The following PXK variants were observed in gnomAD, a reference collection of about 807,000 sequenced individuals.
PXK encodes PX domain containing serine/threonine kinase like.
A neutral mutation model predicts 84.7 loss-of-function variants in PXK; 35 were observed. The ratio of observed to expected loss-of-function variants is 0.41; its 90% confidence interval spans 0.32 to 0.55. The LOEUF (loss-of-function observed/expected upper bound fraction) is 0.55, where lower values mean the gene tolerates loss of function less well. Among genes scored for constraint, PXK ranks in the 20% least tolerant of loss-of-function variants. PXK has a pLI of 0.21. For synonymous variants in PXK, 253 were observed against 260.8 expected (o/e 0.97, Z 0.29); for missense variants, 634 against 699.7 (o/e 0.91, Z 1.06).
intron 1 of PXK, among the ~76,000 whole-genome samples, chr3:58,340,500 A>T (rs2097711016): frequency 6.6e-6 from 1 of 151,200 alleles, no homozygotes; most frequent in African/African-American, 2.4e-5. Flanking sequence ...GCTGAGGTGG[A>T]TGGATCACCT....
In PXK at chr3:58,398,275, C is replaced by T. The variant is rs2058025734; in HGVS notation, c.1102+553C>T. On this transcript the variant is annotated intron_variant, in intron 11 of 17. Transcript: ENST00000356151. The surrounding 1 kb of genome is among the most constrained non-coding windows in gnomAD (Gnocchi z 4.5). Reference sequence around the variant, plus strand: ...AATTAGCTGGGCGTGGAGGTGCATGCCTGTAATCCCAGCTTTTTGGGAGGC... The same window carrying T: ...AATTAGCTGGGCGTGGAGGTGCATGTCTGTAATCCCAGCTTTTTGGGAGGC... 6.6e-6 allele frequency among the ~76,000 whole-genome samples: 1 copy of T among 152,166 alleles called. No homozygotes were observed. Among genetic ancestry groups the T allele is most frequent in the African/African-American group, 2.4e-5 (1 of 41,448 alleles).
At chr3:58,404,031 A>T in intron 13 of PXK, 121 bp downstream of exon 13, 2 of 516,982 alleles carry the variant, frequency 3.9e-6, no homozygotes, top group Non-Finnish European at 6.4e-6. Context: ...AATAACCTAA[A>T]TGTCCTACAA....
At chr3:58,341,798 G>A (rs1351199513) in intron 1 of PXK, among the ~76,000 whole-genome samples, 5 of 151,760 alleles carry the variant, frequency 3.3e-5, no homozygotes, top group Non-Finnish European at 7.4e-5. Context: ...CCGCCTCCTG[G>A]GTTCCAGTGA....
intron 4 of PXK, among the ~76,000 whole-genome samples, chr3:58,384,712 G>C (rs1216062766): frequency 1.3e-5 from 2 of 152,162 alleles, no homozygotes; most frequent in East Asian, 3.8e-4. Flanking sequence ...GCGAGTGCTT[G>C]CTAATGTTCT....
At chr3:58,351,395 TTGTGTGTGTGTGTGTGTGTGTGTGTG>T (rs57349140) in intron 1 of PXK, among the ~76,000 whole-genome samples, 7 of 140,688 alleles carry the variant, frequency 5.0e-5, no homozygotes, top group African/African-American at 1.6e-4. Flanking sequence ...AGCTAGCTAT[TTGTGTGTGTGTGTGTGTGTGTGTGTG>T]TGTGTGTGTG....
chr3:58,369,499 A>T (rs1250127729), intron 3 of PXK, 21 bp downstream of exon 3: 3 of 1,589,002 alleles, frequency 1.9e-6, no homozygotes, highest in Non-Finnish European at 1.7e-6. Context: ...TGAAATTCTA[A>T]TTACACACAT....
chr3:58,338,304 C>T (rs2097660467), intron 1 of PXK, among the ~76,000 whole-genome samples: 1 of 141,774 alleles, frequency 7.1e-6, no homozygotes, highest in African/African-American at 2.7e-5. Flanking sequence ...CACGCCATTG[C>T]ACTCTCCGTC....
intron 1 of PXK, among the ~76,000 whole-genome samples, chr3:58,339,279 G>A (rs896149087): frequency 3.3e-5 from 5 of 149,810 alleles, no homozygotes; most frequent in African/African-American, 1.2e-4. Context: ...TGCCCAGGCT[G>A]GAGTATAGTA....
In PXK at chr3:58,362,332, C is replaced by T. The variant is rs142438293; in HGVS notation, c.103-3542C>T. Among the ~76,000 whole-genome samples, 105 of 152,274 alleles carry T rather than the reference C, an allele frequency of 6.9e-4. 1 individual carries two copies. The highest frequency in any genetic ancestry group is 1.3e-3 in the Non-Finnish European group (90 of 68,014). On this transcript the variant is annotated intron_variant, in intron 1 of 17. Transcript: ENST00000356151. ...TTTTCCTAAAAGTCTTACAGTTTTACATTTTACATTTAAGTACATAATTCA... is the reference window on the plus strand; with the variant it reads ...TTTTCCTAAAAGTCTTACAGTTTTATATTTTACATTTAAGTACATAATTCA...
At chr3:58,338,601 C>T (rs2097667393) in intron 1 of PXK, among the ~76,000 whole-genome samples, 1 of 150,572 alleles carries the variant, frequency 6.6e-6, no homozygotes, top group Admixed American at 6.6e-5. Flanking sequence ...CCAGCCTGGG[C>T]GACAGAGCAA....
In PXK at chr3:58,391,056, A is replaced by G. The variant is rs144013535; in HGVS notation, c.467-91A>G. ...TATGTAGCTGCGAATAATATTGCCA[A>G]ACTTAATTTTTCTTGATTACCTAGT... is the stretch of plus-strand genomic sequence containing the variant. On this transcript the variant is annotated intron_variant, in intron 5 of 17. Transcript: ENST00000356151. The G allele has an allele frequency of 2.2e-4, 212 of 943,534 alleles. No homozygotes were observed. The African/African-American group carries it at 3.2e-3, about 14-fold the overall frequency. 58.4% of individuals were successfully genotyped at this position (943,534 alleles called of 1,614,324 possible). A position where few individuals can be genotyped will look rare whatever the true frequency, so the allele number is the denominator to read the frequency against.
At chr3:58,365,799 C>A in intron 1 of PXK, 75 bp from the exon 2 acceptor site, 1 of 1,250,420 alleles carries the variant, frequency 8.0e-7, no homozygotes, top group Non-Finnish European at 1.1e-6. Context: ...TTTTTTAAAA[C>A]TTATTTTTGA....
chr3:58,356,603 T>G (rs913438456), intron 1 of PXK, among the ~76,000 whole-genome samples: 6 of 136,578 alleles, frequency 4.4e-5, no homozygotes, highest in African/African-American at 1.9e-4. Flanking sequence ...GCAGCTGTGT[T>G]TTTTTTTTCT....
chr3:58,420,629 AGG>A (rs2107783587), intron 17 of PXK: 2 of 1,535,216 alleles, frequency 1.3e-6, no homozygotes, highest in Non-Finnish European at 1.7e-6. Context: ...TGTGTGAAAT[AGG>A]ACCCAAAGTG....
chr3:58,368,670 C>G (rs1247252535), intron 2 of PXK, among the ~76,000 whole-genome samples: 2 of 152,124 alleles, frequency 1.3e-5, no homozygotes, highest in Non-Finnish European at 2.9e-5. Context: ...CTTAGCATGC[C>G]AAAGTACCAT....
Position 58,416,933 on chromosome 3 carries a change from C to T in PXK, c.1528+3970C>T, listed in dbSNP as rs1451620827. Among the ~76,000 whole-genome samples, 1 of 152,162 alleles carries T rather than the reference C, an allele frequency of 6.6e-6. No homozygotes were observed. Among genetic ancestry groups the T allele is most frequent in the African/African-American group, 2.4e-5 (1 of 41,440 alleles). On this transcript the variant is annotated intron_variant, in intron 17 of 17. Transcript: ENST00000356151. This position sits in a 1 kb window ranked among gnomAD's most constrained non-coding sequence, Gnocchi z 4.8. ...CCACTGTGCCCGGCCAGGATTGCAA[C>T]TTTTGGCTGGCCAGCCCATGCTTAG...
intron 13 of PXK, among the ~76,000 whole-genome samples, chr3:58,404,503 A>G (rs750109707): frequency 1.2e-4 from 18 of 152,138 alleles, no homozygotes; most frequent in Non-Finnish European, 1.9e-4. Context: ...AGACATTGCT[A>G]AATGTCTCCT....
intron 17 of PXK, among the ~76,000 whole-genome samples, chr3:58,417,001 C>T (rs1030074584): frequency 6.6e-6 from 1 of 152,126 alleles, no homozygotes; most frequent in Non-Finnish European, 1.5e-5. Flanking sequence ...TTCTCCTGGG[C>T]TCAAGTGATC....
At chr3:58,354,642 G>A (rs1236069089) in intron 1 of PXK, among the ~76,000 whole-genome samples, 1 of 151,896 alleles carries the variant, frequency 6.6e-6, no homozygotes, top group East Asian at 2.0e-4. Flanking sequence ...AGAGATGGGG[G>A]TTTCATCATG....
Sources: gnomAD v4.1 joint callset for allele counts (sites outside exome capture counted in the v4.1 genomes callset) on GRCh38, gnomAD v4.1.1 for gene constraint, Gnocchi (gnomAD v3.1) non-coding constraint, MANE v1.5 for transcripts, NCBI Gene and HGNC (gene_info 2026-07-23, HGNC 2026-07-21) for gene names.